RFC1: variants seen among roughly 807,000 people sequenced by gnomAD.
RFC1 encodes replication factor C subunit 1.
In RFC1, 37 loss-of-function variants were observed where a neutral mutation model predicts 137.4. The ratio of observed to expected loss-of-function variants is 0.27; its 90% CI spans 0.21 to 0.35. RFC1 has a LOEUF of 0.35. Among genes scored for constraint, RFC1 ranks in the 10% least tolerant of loss-of-function variants. The probability of loss-of-function intolerance (pLI) is 1.00; values close to 1 mark genes in which losing one functional copy is unlikely to be tolerated. For missense variants in RFC1, 1,205 were observed against 1,358.5 expected (o/e 0.89, Z 1.78); for synonymous variants, 429 against 455.7 (o/e 0.94, Z 0.75).
chr4:39,289,871 T>C lies in RFC1; in HGVS notation c.3337A>G (p.Ile1113Val). 2.5e-6 allele frequency: 4 copies of C among 1,612,498 alleles called. No homozygotes were observed. Among genetic ancestry groups the C allele is most frequent in the Non-Finnish European group, 3.4e-6 (4 of 1,178,506 alleles). ...SQSDEKDQDA[I>V]ETDAMIKKKT... ...ACCTTGATCATGGCATCAGTTTCTA[T>C]AGCATCTTGGTCTTTCTCATCAGAT... The change falls in exon 24 of 25, where the codon ATA becomes GTA. Residue 1113 changes from isoleucine (I) to valine (V), a missense_variant. Around this residue, in one of 3 missense-constraint regions of RFC1, gnomAD observed 237 missense variants for 304.2 expected, o/e 0.78. Coordinates refer to ENST00000349703, the MANE Select transcript of RFC1 (RefSeq NM_002913.5).
Position 39,302,319 on chromosome 4 carries a change from C to G in RFC1, c.2494G>C (p.Ala832Pro). ...TTGGCTCTGTGAGAATCAGCTTTGG[C>G]CTGGTCATAGGTTAATGCTTTACTT... ...ARSKALTYDQAKADSHRAKKD... is the reference protein window; with the variant it reads ...ARSKALTYDQPKADSHRAKKD... The change falls in exon 19 of 25, where the codon GCC (alanine) becomes CCC (proline). Residue 832 changes from alanine to proline, a missense_variant. Physicochemically the swap from Ala to Pro is conservative, Grantham distance 27. Around this residue, in one of 3 missense-constraint regions of RFC1, gnomAD observed 962 missense variants for 1,035.3 expected, o/e 0.93. Coordinates refer to ENST00000349703, the MANE Select transcript of RFC1 (RefSeq NM_002913.5). 1 of 1,613,144 alleles carries G rather than the reference C, an allele frequency of 6.2e-7. No individual in the cohort carries two copies. Among genetic ancestry groups the G allele is most frequent in the Non-Finnish European group, 8.5e-7 (1 of 1,179,180 alleles).
chr4:39,357,442 T>C (rs916047059), intron 1 of RFC1, among the ~76,000 whole-genome samples: 7 of 152,298 alleles, frequency 4.6e-5, no homozygotes, highest in African/African-American at 1.7e-4. Context: ...AAATAGCAAA[T>C]GGAAATAATT....
chr4:39,289,804 A>AT, intron 24 of RFC1, 44 bp downstream of exon 24: 1 of 1,300,866 alleles, frequency 7.7e-7, no homozygotes, highest in East Asian at 2.3e-5. Context: ...GCAAGGAAAG[A>AT]TCATCTATTT....
At chr4:39,300,237 T>A (rs1738276353) in intron 20 of RFC1, 23 bp downstream of exon 20, 3 of 1,613,762 alleles carry the variant, frequency 1.9e-6, no homozygotes, top group Admixed American at 3.3e-5. Flanking sequence ...TAAGCACACC[T>A]CTCACCAGCT....
At chr4:39,330,575 G>A (rs1740045447) in intron 4 of RFC1, among the ~76,000 whole-genome samples, 1 of 152,100 alleles carries the variant, frequency 6.6e-6, no homozygotes, top group Non-Finnish European at 1.5e-5. Flanking sequence ...CTTCAGCAAG[G>A]TGGGGCCAAC....
chr4:39,356,579 C>T (rs1210012971), intron 1 of RFC1, among the ~76,000 whole-genome samples: 2 of 151,970 alleles, frequency 1.3e-5, no homozygotes, highest in African/African-American at 2.4e-5. Context: ...TATGACTTTA[C>T]CTAAGAAATT....
chr4:39,316,864 C>T (rs1192807958), intron 10 of RFC1, 51 bp downstream of exon 10: 2 of 1,064,212 alleles, frequency 1.9e-6, no homozygotes, highest in South Asian at 1.3e-5. Context: ...CATACATGGA[C>T]CCATACGGCA....
rs1241536139 is a variant in RFC1, at chr4:39,308,914, T to A, written c.1607A>T (p.Asp536Val). Reference protein sequence around the residue: ...SKKSRPTSKRDSLAKTIKKET... With the variant: ...SKKSRPTSKRVSLAKTIKKET... ...CTTTTTTATTGTCTTTGCCAAACTG[T>A]CCCTTTTGGAAGTCGGCCTGCTCTT... Residue 536 changes from aspartate to valine, a missense_variant, in exon 13 of 25, where the codon GAC becomes GTC. Asp to Val is a radical substitution (Grantham distance 152). This residue lies in a region of RFC1 where 962 missense variants were observed against 1,035.3 expected (regional missense o/e 0.93). Transcript: ENST00000349703. The A allele has an allele frequency of 1.1e-5, 17 of 1,614,080 alleles. No homozygotes were observed. The highest frequency in any genetic ancestry group is 1.2e-5 in the Non-Finnish European group (14 of 1,180,036).
chr4:39,355,564 T>TA (rs397705342), intron 1 of RFC1, among the ~76,000 whole-genome samples: 14 of 63,384 alleles, frequency 2.2e-4, no homozygotes, highest in African/African-American at 4.4e-4. Context: ...CCAACACACA[T>TA]AAAAAATGCT....
At position 39,311,429 on chromosome 4, in the gene RFC1, T is replaced by C; in HGVS notation, c.1488+16A>G. On this transcript the variant is annotated intron_variant, in intron 12 of 24. Coordinates refer to ENST00000349703, the MANE Select transcript of RFC1 (RefSeq NM_002913.5). ...TTAATATACACCAACTTAAATCACA[T>C]TCATTTTATACGAACCTCAGTTTCA... The C allele has an allele frequency of 2.5e-6, 4 of 1,600,792 alleles. No homozygotes were observed. The highest frequency in any genetic ancestry group is 3.4e-6 in the Non-Finnish European group (4 of 1,168,364).
intron 1 of RFC1, among the ~76,000 whole-genome samples, chr4:39,360,885 A>G (rs1213836232): frequency 1.3e-5 from 2 of 152,258 alleles, no homozygotes; most frequent in African/African-American, 2.4e-5. Flanking sequence ...TGAAAGTAAT[A>G]AAGAAATATA....
At chr4:39,294,398 C>T (rs1038341350) in intron 22 of RFC1, among the ~76,000 whole-genome samples, 1 of 152,150 alleles carries the variant, frequency 6.6e-6, no homozygotes, top group Non-Finnish European at 1.5e-5. Flanking sequence ...AGGGGCCGGG[C>T]GTGTGGCTCA....
chr4:39,349,398 T>C (rs1449832351), intron 2 of RFC1, among the ~76,000 whole-genome samples: 1 of 152,168 alleles, frequency 6.6e-6, no homozygotes, highest in East Asian at 1.9e-4. Flanking sequence ...TCTGACAGGA[T>C]TAGCATTCTA....
In RFC1 at chr4:39,302,885, A is replaced by C; in HGVS notation, c.2203-11T>G. On this transcript the variant is annotated splice_polypyrimidine_tract_variant and intron_variant, in intron 16 of 24. Transcript: ENST00000349703. ...CAGGCCAATTAATTCCTGAAAGGCAAGTTTGCAACACAAAAATAATTATTT... is the reference window on the plus strand; with the variant it reads ...CAGGCCAATTAATTCCTGAAAGGCACGTTTGCAACACAAAAATAATTATTT... The C allele has an allele frequency of 6.4e-7, 1 of 1,570,258 alleles. No individual in the cohort carries two copies. Among genetic ancestry groups the C allele is most frequent in the Non-Finnish European group, 8.6e-7 (1 of 1,159,750 alleles).
At chr4:39,337,100 T>C (rs1442067242) in intron 4 of RFC1, among the ~76,000 whole-genome samples, 1 of 152,076 alleles carries the variant, frequency 6.6e-6, no homozygotes, top group Non-Finnish European at 1.5e-5. Flanking sequence ...GTAGGCCAGG[T>C]GCAGTGGCTC....
rs17287998 is a variant in RFC1, at chr4:39,342,519, T to C, written c.209-52A>G. ...AACTTTGAAAAGAACTATTATAATA[T>C]AGTGCATGTTTAAAGTAGTCACGGT... On this transcript the variant is annotated intron_variant, in intron 3 of 24. Transcript: ENST00000349703. 3,889 of 1,551,328 alleles carry C rather than the reference T, an allele frequency of 2.5e-3. 40 individuals are homozygous for C. The African/African-American group carries it at 0.032, about 13-fold the overall frequency.
At position 39,291,031 on chromosome 4, in the gene RFC1, T is replaced by A. The variant is rs117273807; in HGVS notation, c.3168+608A>T. ...TGAGAATTTACTGATAACCATAAAG[T>A]CGGGTCAAAATTCTGGGGAGGGCAA... On this transcript the variant is annotated intron_variant, in intron 23 of 24. Transcript: ENST00000349703. Among the ~76,000 whole-genome samples, 236 of 152,264 alleles carry A rather than the reference T, an allele frequency of 1.5e-3. 6 individuals are homozygous for A. The East Asian group carries it at 0.041, about 26-fold the overall frequency.
intron 4 of RFC1, among the ~76,000 whole-genome samples, chr4:39,329,125 C>CAAAAAAAAAA (rs1739940741): frequency 3.9e-4 from 1 of 2,546 alleles, no homozygotes; most frequent in Non-Finnish European, 7.0e-4. Flanking sequence ...TTCAGTGACT[C>CAAAAAAAAAA]ACAAAAAAAA....
chr4:39,359,716 G>A (rs1425964387), intron 1 of RFC1, among the ~76,000 whole-genome samples: 2 of 151,942 alleles, frequency 1.3e-5, no homozygotes, highest in Non-Finnish European at 2.9e-5. Flanking sequence ...CAGCTACTCA[G>A]GAGGCTGAGG....
Sources: allele counts gnomAD v4.1 joint callset (sites outside exome capture counted in the v4.1 genomes callset), GRCh38; gene constraint gnomAD v4.1.1; regional missense constraint gnomAD v4.1.1; transcripts MANE v1.5; gene names NCBI Gene and HGNC (gene_info 2026-07-23, HGNC 2026-07-21).